The following GAP43 variants were observed in gnomAD, a reference collection of about 807,000 sequenced individuals.
The protein encoded by GAP43 is neuromodulin.
In GAP43, 6 loss-of-function variants were observed where a neutral mutation model predicts 18.6. That is an observed-to-expected ratio of 0.32 (90% CI 0.18 to 0.64). The LOEUF is 0.64. Among genes scored for constraint, GAP43 ranks in the 30% least tolerant of loss-of-function variants. GAP43 has a pLI of 0.78. For synonymous variants in GAP43, 115 were observed against 111.4 expected (o/e 1.03, Z -0.20); for missense variants, 292 against 295.5 (o/e 0.99, Z 0.09).
At chr3:115,715,593 C>G (rs186747178) in intron 2 of GAP43, among the ~76,000 whole-genome samples, 1 of 152,336 alleles carries the variant, frequency 6.6e-6, no homozygotes, top group East Asian at 1.9e-4. Context: ...GTCTTTGACA[C>G]TCACCATGAT....
chr3:115,647,951 A>G (rs1708477561), intron 1 of GAP43, among the ~76,000 whole-genome samples: 1 of 152,110 alleles, frequency 6.6e-6, no homozygotes, highest in African/African-American at 2.4e-5. Flanking sequence ...ACCATGGACT[A>G]GAGTGTTCAT....
rs1709554188 is a variant in GAP43, at chr3:115,719,776, A to T, written c.629-1018A>T. Among the ~76,000 whole-genome samples, 3 of 152,314 alleles carry T rather than the reference A, an allele frequency of 2.0e-5. 1 individual carries two copies. The South Asian group carries it at 6.2e-4, about 32-fold the overall frequency. ...CTGAGTCCCATGAGTCCTCCTAGCA[A>T]ATCACTGAACCTAGGGGTGGTCTTG... On this transcript the variant is annotated intron_variant, in intron 2 of 2. Coordinates refer to ENST00000305124, the MANE Select transcript of GAP43 (RefSeq NM_002045.4).
intron 1 of GAP43, among the ~76,000 whole-genome samples, chr3:115,640,158 G>A (rs1269404312): frequency 2.0e-5 from 3 of 152,018 alleles, no homozygotes; most frequent in Non-Finnish European, 4.4e-5. Context: ...AGGACCAAAA[G>A]AATATAATTT....
intron 2 of GAP43, among the ~76,000 whole-genome samples, chr3:115,705,363 G>A (rs1709346614): frequency 6.6e-6 from 1 of 151,940 alleles, no homozygotes. Context: ...CATGGGATTT[G>A]GCAAACCTAG....
intron 1 of GAP43, among the ~76,000 whole-genome samples, chr3:115,658,280 G>A (rs9883515): frequency 0.25 from 37,426 of 151,834 alleles, 4,976 homozygotes; most frequent in East Asian, 0.38. Flanking sequence ...GCTGGTTCTG[G>A]CTTGTCTTCC....
At chr3:115,689,074 G>A (rs1709070293) in intron 2 of GAP43, among the ~76,000 whole-genome samples, 1 of 152,140 alleles carries the variant, frequency 6.6e-6, no homozygotes, top group African/African-American at 2.4e-5. Flanking sequence ...TCTCCCTTGA[G>A]CTTCCCATGG....
At chr3:115,674,406 T>C (rs1003888887) in intron 1 of GAP43, among the ~76,000 whole-genome samples, 3 of 152,234 alleles carry the variant, frequency 2.0e-5, no homozygotes, top group African/African-American at 7.2e-5. Context: ...CAATTCTTTC[T>C]ATGACCATAC....
intron 1 of GAP43, among the ~76,000 whole-genome samples, chr3:115,668,222 A>G (rs542759546): frequency 1.3e-5 from 2 of 152,296 alleles, no homozygotes; most frequent in East Asian, 1.9e-4. Context: ...GCCTTGGTAC[A>G]TGACCAGCAT....
intron 1 of GAP43, among the ~76,000 whole-genome samples, chr3:115,656,868 T>G (rs1216783236): frequency 6.6e-6 from 1 of 152,182 alleles, no homozygotes; most frequent in Admixed American, 6.5e-5. Flanking sequence ...AATGGAAACA[T>G]AGAAGAAAAT....
chr3:115,701,362 G>C lies in GAP43; in HGVS notation c.629-19432G>C, dbSNP rs563419776. 5.3e-5 allele frequency among the ~76,000 whole-genome samples: 8 copies of C among 152,096 alleles called. No individual in the cohort carries two copies. In the East Asian group the frequency reaches 1.6e-3, roughly 30 times the overall value. On this transcript the variant is annotated intron_variant, in intron 2 of 2. Transcript: ENST00000305124. ...CAGGTGAGTTCTGTACCTGGCTGTGGAATCAGTATCATTGTTATTCCGGGG... is the reference window on the plus strand; with the variant it reads ...CAGGTGAGTTCTGTACCTGGCTGTGCAATCAGTATCATTGTTATTCCGGGG...
intron 2 of GAP43, among the ~76,000 whole-genome samples, chr3:115,716,318 G>C (rs1709501593): frequency 6.6e-6 from 1 of 152,082 alleles, no homozygotes; most frequent in Non-Finnish European, 1.5e-5. Context: ...ACAAAACTTG[G>C]ATTCTGTTTA....
chr3:115,721,188 A>T lies in GAP43; in HGVS notation c.*306A>T, dbSNP rs2107384153. ...GAAATTCTTGCACTGTATCCAAGTT[A>T]TTTGATCTGGTGCGTGTGGCCCTGT... On this transcript the variant is annotated 3_prime_UTR_variant, in exon 3 of 3. Coordinates refer to ENST00000305124, the MANE Select transcript of GAP43 (RefSeq NM_002045.4). The T allele has an allele frequency of 5.5e-6, 1 of 182,614 alleles. No homozygotes were observed. Among genetic ancestry groups the T allele is most frequent in the South Asian group, 1.4e-4 (1 of 7,384 alleles). 11.3% of individuals were successfully genotyped at this position (182,614 alleles called of 1,614,324 possible). A position where few individuals can be genotyped will look rare whatever the true frequency, so the allele number is the denominator to read the frequency against.
At chr3:115,667,934 A>G (rs534790568) in intron 1 of GAP43, among the ~76,000 whole-genome samples, 3 of 152,256 alleles carry the variant, frequency 2.0e-5, no homozygotes, top group Admixed American at 6.5e-5. Flanking sequence ...CTGAGAGCAG[A>G]GTCTAGTGTC....
chr3:115,681,962 G>A (rs1461802797), intron 2 of GAP43, among the ~76,000 whole-genome samples: 1 of 152,152 alleles, frequency 6.6e-6, no homozygotes, highest in East Asian at 1.9e-4. Flanking sequence ...TGCTATTCTG[G>A]AAGAAACAAA....
At chr3:115,656,770 C>T (rs1409394574) in intron 1 of GAP43, among the ~76,000 whole-genome samples, 2 of 152,104 alleles carry the variant, frequency 1.3e-5, no homozygotes, top group Non-Finnish European at 2.9e-5. Flanking sequence ...ACATAAAAGG[C>T]TTTCCCCACA....
At chr3:115,689,437 A>G (rs1175677758) in intron 2 of GAP43, among the ~76,000 whole-genome samples, 1 of 152,098 alleles carries the variant, frequency 6.6e-6, no homozygotes, top group East Asian at 1.9e-4. Flanking sequence ...TCTTTTCATA[A>G]ACAGCTTGAA....
At chr3:115,716,698 A>C (rs1709505653) in intron 2 of GAP43, among the ~76,000 whole-genome samples, 1 of 133,142 alleles carries the variant, frequency 7.5e-6, no homozygotes, top group African/African-American at 2.7e-5. Context: ...CAAGTAAAAA[A>C]TTACTTTAAT....
intron 2 of GAP43, among the ~76,000 whole-genome samples, chr3:115,712,991 T>TG (rs1362251633): frequency 6.6e-6 from 1 of 152,192 alleles, no homozygotes; most frequent in Non-Finnish European, 1.5e-5. Flanking sequence ...TGAAATATAC[T>TG]GGCTCAGTGT....
intron 1 of GAP43, among the ~76,000 whole-genome samples, chr3:115,670,891 A>G (rs370100072): frequency 1.6e-4 from 24 of 152,358 alleles, no homozygotes; most frequent in African/African-American, 4.8e-5. Context: ...CAAATGAACT[A>G]TATTTTGGTT....
Sources: gnomAD v4.1 joint callset for allele counts (sites outside exome capture counted in the v4.1 genomes callset) on GRCh38, gnomAD v4.1.1 for gene constraint, MANE v1.5 for transcripts, NCBI Gene and HGNC (gene_info 2026-07-23, HGNC 2026-07-21) for gene names.